The following MGAT5 variants were observed in gnomAD, a reference collection of about 807,000 sequenced individuals.
The protein encoded by MGAT5 is alpha-1,6-mannosylglycoprotein 6-beta-N-acetylglucosaminyltransferase.
A neutral mutation model predicts 94.3 loss-of-function variants in MGAT5; 30 were observed. That is an observed-to-expected ratio of 0.32 (90% CI 0.24 to 0.43). MGAT5 has a LOEUF of 0.43. Among genes scored for constraint, MGAT5 ranks in the 20% least tolerant of loss-of-function variants. The probability of loss-of-function intolerance (pLI) is 1.00; values close to 1 mark genes in which losing one functional copy is unlikely to be tolerated. For missense variants in MGAT5, 691 were observed against 905.5 expected (o/e 0.76, Z 3.04); for synonymous variants, 310 against 322.9 (o/e 0.96, Z 0.43).
chr2:134,399,138 C>T (rs144918817), intron 10 of MGAT5, among the ~76,000 whole-genome samples: 9 of 152,264 alleles, frequency 5.9e-5, no homozygotes, highest in Middle Eastern at 3.4e-3. Context: ...TTGATCATCA[C>T]ATGTAGTATC....
rs554750232 is a variant in MGAT5 at position 134,141,472 on chromosome 2, G to A, written c.-143+21181G>A. ...GATAGATGGATAGTTGGATGGGTAA[G>A]TGGATGGATAGATGGGTGGGTGGAT... On this transcript the variant is annotated intron_variant, in intron 1 of 16. Coordinates refer to the MGAT5 transcript ENST00000409645. Among the ~76,000 whole-genome samples the A allele has an allele frequency of 8.4e-5, 12 of 143,332 alleles. No individual in the cohort carries two copies. In the East Asian group the frequency reaches 2.7e-3, roughly 32 times the overall value. The allele number at this position is 143,332 out of a possible 152,430, so 94.0% of individuals were successfully genotyped here.
At chr2:134,130,004 C>T (rs1008342801) in intron 1 of MGAT5, among the ~76,000 whole-genome samples, 4 of 152,174 alleles carry the variant, frequency 2.6e-5, no homozygotes, top group East Asian at 3.9e-4. Flanking sequence ...TCCAGGTGGG[C>T]GTGGGCTCCG....
chr2:134,331,461 T>C (rs1255346794), intron 4 of MGAT5, among the ~76,000 whole-genome samples: 1 of 152,144 alleles, frequency 6.6e-6, no homozygotes, highest in Non-Finnish European at 1.5e-5. Flanking sequence ...TCGATTGTTG[T>C]GTGCGTGTTG....
intron 2 of MGAT5, among the ~76,000 whole-genome samples, chr2:134,309,346 T>C (rs1573761180): frequency 2.0e-5 from 3 of 152,244 alleles, no homozygotes; most frequent in African/African-American, 7.2e-5. Context: ...AGGAGTAGAA[T>C]TGTTGACTCA....
intron 1 of MGAT5, among the ~76,000 whole-genome samples, chr2:134,152,544 C>T (rs112286927): frequency 1.1e-4 from 16 of 152,336 alleles, no homozygotes; most frequent in African/African-American, 3.8e-4. Context: ...CTTTCTGTTG[C>T]CAAATGTTGC....
intron 2 of MGAT5, among the ~76,000 whole-genome samples, chr2:134,300,462 G>A (rs563001533): frequency 6.8e-6 from 1 of 147,094 alleles, no homozygotes; most frequent in African/African-American, 2.7e-5. Flanking sequence ...TGGAGTAAAG[G>A]CTGTTTTTTA....
At chr2:134,371,585 T>C (rs1680804713) in intron 10 of MGAT5, among the ~76,000 whole-genome samples, 1 of 152,154 alleles carries the variant, frequency 6.6e-6, no homozygotes, top group Non-Finnish European at 1.5e-5. Context: ...TTGCCACAGT[T>C]TTCTTCTTTG....
chr2:134,372,232 A>G (rs1680855000), intron 10 of MGAT5, among the ~76,000 whole-genome samples: 1 of 152,166 alleles, frequency 6.6e-6, no homozygotes, highest in African/African-American at 2.4e-5. Context: ...GACACTTGCT[A>G]TTCCTTTGTT....
intron 10 of MGAT5, among the ~76,000 whole-genome samples, chr2:134,379,730 T>C (rs1304909073): frequency 1.3e-5 from 2 of 152,220 alleles, no homozygotes; most frequent in African/African-American, 4.8e-5. Context: ...AAAATACATA[T>C]TTCAAGAGAA....
chr2:134,165,688 T>A (rs1268402591), intron 1 of MGAT5, among the ~76,000 whole-genome samples: 1 of 151,844 alleles, frequency 6.6e-6, no homozygotes, highest in Non-Finnish European at 1.5e-5. Flanking sequence ...GGCAGGAGAA[T>A]GGCGTGAACC....
chr2:134,229,009 T>C (rs1333550694), intron 1 of MGAT5, among the ~76,000 whole-genome samples: 2 of 152,232 alleles, frequency 1.3e-5, no homozygotes, highest in African/African-American at 4.8e-5. Context: ...GTTCCTTGCA[T>C]TACTTCTTAC....
chr2:134,227,148 T>G (rs77668701), intron 1 of MGAT5, among the ~76,000 whole-genome samples: 1 of 152,276 alleles, frequency 6.6e-6, no homozygotes, highest in East Asian at 1.9e-4. Flanking sequence ...CCATCAATGA[T>G]AACACAAAGA....
chr2:134,368,268 C>T (rs1206039594), intron 10 of MGAT5, among the ~76,000 whole-genome samples: 2 of 152,158 alleles, frequency 1.3e-5, no homozygotes, highest in Non-Finnish European at 2.9e-5. Flanking sequence ...TAAAATGTTG[C>T]TCCTGGCTGC....
chr2:134,252,141 G>A (rs1183729432), upstream of MGAT5, among the ~76,000 whole-genome samples: 2 of 152,204 alleles, frequency 1.3e-5, no homozygotes, highest in Non-Finnish European at 2.9e-5. Flanking sequence ...ACTGCAGGCT[G>A]GAGCCCTGGG....
chr2:134,452,876 T>A lies in MGAT5; in HGVS notation c.*4029T>A, dbSNP rs1686177683. On this transcript the variant is annotated 3_prime_UTR_variant, in exon 16 of 16. Coordinates refer to ENST00000281923, the MANE Select transcript of MGAT5 (RefSeq NM_002410.5). ...TGGACATAAATAGATTCATGCTCAT[T>A]TAGGAAGCTGGGAGTTTCGTGAAGC... 6.6e-6 allele frequency: 1 copy of A among 152,216 alleles called. No homozygotes were observed. Among genetic ancestry groups the A allele is most frequent in the Non-Finnish European group, 1.5e-5 (1 of 68,044 alleles). 9.4% of individuals were successfully genotyped at this position (152,216 alleles called of 1,614,324 possible). A position where few individuals can be genotyped will look rare whatever the true frequency, so the allele number is the denominator to read the frequency against.
At chr2:134,187,200 T>C (rs1253488866) in intron 1 of MGAT5, among the ~76,000 whole-genome samples, 1 of 152,178 alleles carries the variant, frequency 6.6e-6, no homozygotes, top group East Asian at 1.9e-4. Context: ...ATGATTATGA[T>C]GGACGTGTGT....
intron 1 of MGAT5, among the ~76,000 whole-genome samples, chr2:134,141,708 T>C (rs898779917): frequency 1.3e-5 from 2 of 152,230 alleles, no homozygotes; most frequent in African/African-American, 2.4e-5. Flanking sequence ...TTGAAAGATA[T>C]GCGGAATTTG....
chr2:134,448,563 C>A, intron 15 of MGAT5, 86 bp from the exon 16 acceptor site: 2 of 1,269,950 alleles, frequency 1.6e-6, no homozygotes, highest in Non-Finnish European at 2.3e-6. Context: ...CCCCCCATGC[C>A]TCAAGATGGG....
At chr2:134,171,985 A>G (rs1308417094) in intron 1 of MGAT5, among the ~76,000 whole-genome samples, 2 of 152,204 alleles carry the variant, frequency 1.3e-5, no homozygotes, top group East Asian at 3.9e-4. Flanking sequence ...CTGAGGGGAC[A>G]TCTCTGGCTA....
Sources: allele counts gnomAD v4.1 joint callset (sites outside exome capture counted in the v4.1 genomes callset), GRCh38; gene constraint gnomAD v4.1.1; transcripts MANE v1.5; gene names NCBI Gene and HGNC (gene_info 2026-07-23, HGNC 2026-07-21).